Variants in NAF1 observed in about 807,000 individuals in gnomAD.
NAF1 encodes the protein H/ACA ribonucleoprotein complex non-core subunit NAF1.
In NAF1, 11 loss-of-function variants were observed where a neutral mutation model predicts 40.6. The observed-to-expected ratio is 0.27, with a 90% CI of 0.17 to 0.45. The LOEUF (loss-of-function observed/expected upper bound fraction) is 0.45. Among genes scored for constraint, NAF1 ranks in the 20% least tolerant of loss-of-function variants. The probability of loss-of-function intolerance (pLI) is 1.00; values close to 1 mark genes in which losing one functional copy is unlikely to be tolerated. For missense variants in NAF1, 607 were observed against 611.1 expected, an observed-to-expected ratio of 0.99 and a Z score of 0.07; for synonymous variants, 260 against 228.5, an observed-to-expected ratio of 1.14 and a Z score of -1.24.
chr4:163,143,846 T>C (rs1254651729), intron 4 of NAF1: 1 of 181,794 alleles, frequency 5.5e-6, no homozygotes, highest in East Asian at 1.9e-4. Flanking sequence ...CTTTTATCAA[T>C]CACTTTGTGC....
At chr4:163,109,183 GA>G (rs1317344020), downstream of NAF1, among the ~76,000 whole-genome samples, 1 of 144,000 alleles carries the variant, frequency 6.9e-6, no homozygotes, top group Admixed American at 7.0e-5. Context: ...TTTTCACATG[GA>G]AACTTAATCT....
chr4:163,131,637 T>A (rs546580156), intron 7 of NAF1, among the ~76,000 whole-genome samples: 11 of 152,236 alleles, frequency 7.2e-5, no homozygotes, highest in African/African-American at 1.7e-4. Flanking sequence ...ACAAAACTTT[T>A]AGGGAAAAAA....
Position 163,166,563 on chromosome 4 carries a change from C to G in NAF1, c.165G>C (p.Gln55His). The change falls in exon 1 of 8, where the codon CAG (glutamine) becomes CAC (histidine). Residue 55 changes from glutamine (Q) to histidine (H), a missense_variant. Gln to His is a conservative substitution (Grantham distance 24). Coordinates refer to ENST00000274054, the MANE Select transcript of NAF1 (RefSeq NM_138386.3). ...QSFEGSPDAG[Q>H]TVEVKPAGEQ... ...CCCCGGCAGGCTTAACCTCCACGGT[C>G]TGCCCAGCGTCCGGGGACCCCTCAA... 2 of 1,604,460 alleles carry G rather than the reference C, an allele frequency of 1.2e-6. No individual in the cohort carries two copies. The highest frequency in any genetic ancestry group is 1.7e-6 in the Non-Finnish European group (2 of 1,176,258).
rs548679077 is a variant in NAF1 at position 163,138,787 on chromosome 4, GA to G, written c.878+1435del. Among the ~76,000 whole-genome samples, 6 of 152,138 alleles carry G rather than the reference GA, an allele frequency of 3.9e-5. 1 individual carries two copies. The highest frequency in any genetic ancestry group is 1.4e-4 in the African/African-American group (6 of 41,540). On this transcript the variant is annotated intron_variant, in intron 5 of 7. Transcript: ENST00000274054. ...AAAATCTATTTAAAAACCATCTTCA[GA>G]AAACCTCTTCAAATTTATCTGTTTT...
Position 163,137,198 on chromosome 4 carries a change from C to CCT in NAF1, c.929_930dup (p.Ala311ArgfsTer3). The CCT allele has an allele frequency of 1.2e-6, 2 of 1,612,344 alleles. No homozygotes were observed. The highest frequency in any genetic ancestry group is 1.7e-6 in the Non-Finnish European group (2 of 1,178,722). On this transcript the variant is annotated frameshift_variant and splice_region_variant. Transcript: ENST00000274054. LOFTEE classifies it high-confidence loss of function. ...TGTTGCATAAAAAGACTTATACTTA[C>CCT]CTCTGGTGGTGGTTCCTGATCATTC...
rs976599720 is a variant in NAF1, at chr4:163,142,031, G to C, written c.718-1648C>G. ...AATGTATTATGAAATAACACTAATA[G>C]CATCACAAATTTAAAGCTTTAAAAA... On this transcript the variant is annotated intron_variant, in intron 4 of 7. Coordinates refer to ENST00000274054, the MANE Select transcript of NAF1 (RefSeq NM_138386.3). The C allele has an allele frequency of 1.1e-5, 6 of 528,046 alleles. No homozygotes were observed. The South Asian group carries it at 2.4e-4, about 21-fold the overall frequency. 32.7% of individuals were successfully genotyped at this position (528,046 alleles called of 1,614,324 possible). A position where few individuals can be genotyped will look rare whatever the true frequency, so the allele number is the denominator to read the frequency against.
intron 4 of NAF1, chr4:163,143,931 C>G (rs1403898351): frequency 1.5e-6 from 1 of 686,472 alleles, no homozygotes; most frequent in Admixed American, 6.3e-5. Context: ...GTTAGGCAAA[C>G]TGATCATTTC....
chr4:163,148,562 G>A, intron 2 of NAF1, 128 bp from the exon 3 acceptor site: 1 of 614,066 alleles, frequency 1.6e-6, no homozygotes. Context: ...TCTCTTTAAT[G>A]TTATCATTTT....
chr4:163,112,067 T>C (rs1275091557), intron 2 of NAF1, among the ~76,000 whole-genome samples: 1 of 151,972 alleles, frequency 6.6e-6, no homozygotes, highest in Non-Finnish European at 1.5e-5. Context: ...TCTGAGATTA[T>C]TAATAATTTT....
At chr4:163,164,426 G>A (rs936064334) in intron 1 of NAF1, 35 bp from the exon 2 acceptor site, 4 of 1,387,774 alleles carry the variant, frequency 2.9e-6, no homozygotes, top group Middle Eastern at 1.8e-4. Flanking sequence ...AAATAGTCCA[G>A]TATTATTATA....
At chr4:163,135,749 A>G (rs1470812671) in intron 6 of NAF1, 1 of 152,252 alleles carries the variant, frequency 6.6e-6, no homozygotes, top group Non-Finnish European at 1.5e-5. Flanking sequence ...AGACCGTGCC[A>G]CTGCATTGCA....
intron 2 of NAF1, among the ~76,000 whole-genome samples, chr4:163,151,387 G>A (rs961795942): frequency 2.0e-5 from 3 of 149,526 alleles, no homozygotes; most frequent in African/African-American, 7.4e-5. Flanking sequence ...TAATATTTGT[G>A]TATTTGGTCC....
At chr4:163,142,165 G>A (rs1460549461) in intron 4 of NAF1, among the ~76,000 whole-genome samples, 1 of 152,176 alleles carries the variant, frequency 6.6e-6, no homozygotes, top group Non-Finnish European at 1.5e-5. Context: ...CAGAAGAGGT[G>A]CACTCAGCAC....
Position 163,129,209 on chromosome 4 carries a change from T to G in NAF1, c.1173A>C (p.Pro391=). Residue 391 remains proline (P), a synonymous_variant, in exon 8 of 8, where the codon CCA becomes CCC. Coordinates refer to ENST00000274054, the MANE Select transcript of NAF1 (RefSeq NM_138386.3). ...GTTCTGAGTTATAGAAATGCTGAGG[T>G]GGAGGCCTGCCATGGCAAGATCGAG... is the stretch of plus-strand genomic sequence containing the variant. ...RYPRSCHGRP[P]PQHFYNSEHM... 2 of 1,613,912 alleles carry G rather than the reference T, an allele frequency of 1.2e-6. No individual in the cohort carries two copies. Among genetic ancestry groups the G allele is most frequent in the Non-Finnish European group, 1.7e-6 (2 of 1,179,778 alleles).
chr4:163,162,273 C>CA (rs910845464), intron 2 of NAF1, among the ~76,000 whole-genome samples: 4 of 152,308 alleles, frequency 2.6e-5, no homozygotes, highest in African/African-American at 9.6e-5. Context: ...TCTTTTCCCC[C>CA]AAACTTAAGA....
rs1730744545 is a variant in NAF1 at position 163,128,729 on chromosome 4, T to C, written c.*168A>G. ...AAGAATTTGAGCTGACATTTTCATA[T>C]GAATACAATTTCACAAAGGTTACAA... On this transcript the variant is annotated 3_prime_UTR_variant, in exon 8 of 8. Transcript: ENST00000274054. 9.0e-7 allele frequency: 1 copy of C among 1,107,006 alleles called. No individual in the cohort carries two copies. The highest frequency in any genetic ancestry group is 3.8e-5 in the Admixed American group (1 of 26,398). 68.6% of individuals were successfully genotyped at this position (1,107,006 alleles called of 1,614,324 possible). A position where few individuals can be genotyped will look rare whatever the true frequency, so the allele number is the denominator to read the frequency against.
chr4:163,125,058 T>C (rs545856056), downstream of NAF1, among the ~76,000 whole-genome samples: 5 of 152,352 alleles, frequency 3.3e-5, no homozygotes, highest in South Asian at 2.1e-4. Context: ...CCATGAACTA[T>C]GCCCATATAA....
At chr4:163,116,832 C>T (rs1342806204) in intron 2 of NAF1, among the ~76,000 whole-genome samples, 2 of 152,140 alleles carry the variant, frequency 1.3e-5, no homozygotes, top group Admixed American at 1.3e-4. Flanking sequence ...GACGACCACC[C>T]TACCTAGCCA....
intron 4 of NAF1, 141 bp from the exon 5 acceptor site, chr4:163,140,524 A>G (rs1165934208): frequency 1.5e-6 from 1 of 648,304 alleles, no homozygotes; most frequent in African/African-American, 1.9e-5. Flanking sequence ...ATAATTTTTT[A>G]GTTATATTTA....
Sources: gnomAD v4.1 joint callset for allele counts (sites outside exome capture counted in the v4.1 genomes callset) on GRCh38, gnomAD v4.1.1 for gene constraint, MANE v1.5 for transcripts, NCBI Gene and HGNC (gene_info 2026-07-23, HGNC 2026-07-21) for gene names.